Variants in SHCBP1L observed in about 807,000 individuals in gnomAD.
SHCBP1L encodes the protein SHC binding and spindle associated 1 like, also known as testicular spindle-associated protein SHCBP1L.
A neutral mutation model predicts 62.5 loss-of-function variants in SHCBP1L; 67 were observed. The ratio of observed to expected loss-of-function variants is 1.07; its 90% confidence interval spans 0.88 to 1.31. The LOEUF (loss-of-function observed/expected upper bound fraction) is 1.31, where lower values mean the gene tolerates loss of function less well. Ranked by LOEUF, SHCBP1L falls within the 40% of genes most tolerant of loss-of-function variation. The pLI, the probability that SHCBP1L is intolerant of heterozygous loss-of-function variation, is 0.00. For synonymous variants in SHCBP1L, 284 were observed against 289.4 expected, an observed-to-expected ratio of 0.98 and a Z score of 0.19; for missense variants, 823 against 809.8, an observed-to-expected ratio of 1.02 and a Z score of -0.20.
rs574286481 is a variant in SHCBP1L at position 182,921,768 on chromosome 1, C to T, written c.1182+7879G>A. Among the ~76,000 whole-genome samples, 7 of 152,046 alleles carry T rather than the reference C, an allele frequency of 4.6e-5. No individual in the cohort carries two copies. In the South Asian group the frequency reaches 1.2e-3, roughly 27 times the overall value. ...TAAAAATACAATAATTAACCAGGCGCGGTGGCAACGTGCCTGTGATCCCAG... is the reference window on the plus strand; with the variant it reads ...TAAAAATACAATAATTAACCAGGCGTGGTGGCAACGTGCCTGTGATCCCAG... On this transcript the variant is annotated intron_variant, in intron 6 of 9. Coordinates refer to ENST00000367547, the MANE Select transcript of SHCBP1L (RefSeq NM_030933.4).
chr1:182,944,918 T>C (rs900711100), intron 2 of SHCBP1L, among the ~76,000 whole-genome samples: 1 of 152,040 alleles, frequency 6.6e-6, no homozygotes. Flanking sequence ...TCAATAATTG[T>C]ATTGCTTTTC....
intron 5 of SHCBP1L, among the ~76,000 whole-genome samples, chr1:182,931,470 C>G (rs1650993600): frequency 6.6e-6 from 1 of 152,100 alleles, no homozygotes. Flanking sequence ...GTTTTTAACT[C>G]AATCACAATA....
At chr1:182,948,809 A>G (rs1265115586) in intron 2 of SHCBP1L, among the ~76,000 whole-genome samples, 2 of 152,238 alleles carry the variant, frequency 1.3e-5, no homozygotes, top group Non-Finnish European at 2.9e-5. Context: ...TAATACTTCA[A>G]CTGAAGTAAG....
At chr1:182,925,786 T>A (rs1650725603) in intron 6 of SHCBP1L, among the ~76,000 whole-genome samples, 1 of 152,040 alleles carries the variant, frequency 6.6e-6, no homozygotes, top group Non-Finnish European at 1.5e-5. Context: ...TCCCCAATAG[T>A]CAAAAGGCAG....
At chr1:182,938,128 A>G (rs371794061) in intron 5 of SHCBP1L, among the ~76,000 whole-genome samples, 1 of 152,166 alleles carries the variant, frequency 6.6e-6, no homozygotes, top group East Asian at 1.9e-4. Flanking sequence ...TCTTTCTGAG[A>G]TGGAGTTTCG....
chr1:182,943,582 G>A (rs1035802794), intron 2 of SHCBP1L, among the ~76,000 whole-genome samples: 2 of 151,520 alleles, frequency 1.3e-5, no homozygotes, highest in African/African-American at 2.4e-5. Context: ...AAGTAGCTGG[G>A]ATTACAGGCA....
intron 5 of SHCBP1L, among the ~76,000 whole-genome samples, chr1:182,938,726 G>A (rs1197610947): frequency 6.6e-6 from 1 of 152,146 alleles, no homozygotes; most frequent in African/African-American, 2.4e-5. Flanking sequence ...CTCCTACCTT[G>A]TCCTCCCAAA....
chr1:182,940,621 G>A (rs762658233), intron 2 of SHCBP1L, 78 bp from the exon 3 acceptor site: 12 of 1,189,320 alleles, frequency 1.0e-5, no homozygotes, highest in Non-Finnish European at 1.4e-5. Flanking sequence ...TCATATATGA[G>A]CTCATTATAA....
rs1458844969 is a variant in SHCBP1L at position 182,930,567 on chromosome 1, A to G, written c.1077-815T>C. On this transcript the variant is annotated intron_variant, in intron 5 of 9. Coordinates refer to ENST00000367547, the MANE Select transcript of SHCBP1L (RefSeq NM_030933.4). ...AGTGTGTGTGTATATATATATATAT[A>G]TATATATATATATATATATATATAT... Among the ~76,000 whole-genome samples, 5 of 109,160 alleles carry G rather than the reference A, an allele frequency of 4.6e-5. No individual in the cohort carries two copies. The East Asian group carries it at 1.1e-3, about 25-fold the overall frequency. 71.6% of individuals were successfully genotyped at this position (109,160 alleles called of 152,430 possible).
intron 2 of SHCBP1L, among the ~76,000 whole-genome samples, chr1:182,943,205 C>T (rs1009379849): frequency 6.6e-6 from 1 of 151,758 alleles, no homozygotes; most frequent in African/African-American, 2.4e-5. Flanking sequence ...CAGCCTCGAA[C>T]TCCTGGGCTC....
chr1:182,943,387 G>T (rs919428173), intron 2 of SHCBP1L, among the ~76,000 whole-genome samples: 2 of 147,626 alleles, frequency 1.4e-5, no homozygotes, highest in East Asian at 4.0e-4. Context: ...CTCTCAAAGC[G>T]CTGGGATTAC....
chr1:182,925,808 A>G (rs1650726299), intron 6 of SHCBP1L, among the ~76,000 whole-genome samples: 2 of 152,228 alleles, frequency 1.3e-5, no homozygotes, highest in South Asian at 4.1e-4. Context: ...AACAACTCAG[A>G]TATCCACCAA....
intron 6 of SHCBP1L, among the ~76,000 whole-genome samples, chr1:182,925,957 A>G (rs572219293): frequency 2.2e-4 from 33 of 152,236 alleles, no homozygotes; most frequent in Non-Finnish European, 2.9e-4. Flanking sequence ...AGCCAGACAT[A>G]AAGGTCAGAT....
chr1:182,914,712 G>A (rs28872620), intron 6 of SHCBP1L, among the ~76,000 whole-genome samples: 12,517 of 151,710 alleles, frequency 0.083, 1,343 homozygotes, highest in African/African-American at 0.25. Flanking sequence ...AAAGCACTGC[G>A]TAACAAAAAA....
chr1:182,944,121 A>AAATAAATAAATAAAT (rs1651470848), intron 2 of SHCBP1L, among the ~76,000 whole-genome samples: 25 of 134,084 alleles, frequency 1.9e-4, no homozygotes, highest in African/African-American at 6.7e-4. Context: ...ACTACTTCTC[A>AAATAAATAAATAAAT]AAATAAATAA....
In SHCBP1L at chr1:182,900,202, A is replaced by G. The variant is rs1272395006; in HGVS notation, c.1743T>C (p.Asn581=). 4 of 1,586,956 alleles carry G rather than the reference A, an allele frequency of 2.5e-6. No homozygotes were observed. The highest frequency in any genetic ancestry group is 3.4e-6 in the Non-Finnish European group (4 of 1,169,494). Residue 581 remains asparagine (N), a synonymous_variant, in exon 10 of 10, where the codon AAT becomes AAC. Transcript: ENST00000367547. ...AGCCTTTGTTGCTATAAATATGATT[A>G]TTAGTCATCTTCAATTTGGGTGCTG... ...VLPAPKLKMT[N]NHIYSNKGYG... is the part of the protein sequence containing the mutation.
chr1:182,905,400 T>C (rs1649979183), intron 7 of SHCBP1L, 96 bp downstream of exon 7: 3 of 1,250,126 alleles, frequency 2.4e-6, no homozygotes, highest in Non-Finnish European at 1.1e-6. Context: ...ATAAATTCTA[T>C]TGTAATTTCC....
At chr1:182,919,894 C>A (rs1650474934) in intron 6 of SHCBP1L, among the ~76,000 whole-genome samples, 1 of 152,114 alleles carries the variant, frequency 6.6e-6, no homozygotes, top group Non-Finnish European at 1.5e-5. Flanking sequence ...CACACAGCCT[C>A]CCCCTACCAC....
At chr1:182,903,270 G>A (rs568976671) in intron 8 of SHCBP1L, 109 bp from the exon 9 acceptor site, 21 of 925,206 alleles carry the variant, frequency 2.3e-5, no homozygotes, top group African/African-American at 3.4e-5. Context: ...TAAACATTGA[G>A]TTACGTGCAA....
Sources: gnomAD v4.1 joint callset for allele counts (sites outside exome capture counted in the v4.1 genomes callset) on GRCh38, gnomAD v4.1.1 for gene constraint, MANE v1.5 for transcripts, NCBI Gene and HGNC (gene_info 2026-07-23, HGNC 2026-07-21) for gene names.